The following CDH26 variants were observed in gnomAD, a reference collection of about 807,000 sequenced individuals.
The protein encoded by CDH26 is cadherin-like protein 26.
Under a neutral mutation model 90.3 loss-of-function variants are expected in CDH26, and 83 were observed. The observed-to-expected ratio is 0.92, with a 90% CI of 0.77 to 1.10. The LOEUF (loss-of-function observed/expected upper bound fraction) is 1.10, where lower values mean the gene tolerates loss of function less well. Among genes scored for constraint, CDH26 ranks in the 50% least tolerant of loss-of-function variants. The pLI is 0.00. For synonymous variants in CDH26, 397 were observed against 396.3 expected (o/e 1.00, Z -0.02); for missense variants, 1,013 against 1,037.6 (o/e 0.98, Z 0.33).
intron 7 of CDH26, among the ~76,000 whole-genome samples, chr20:60,025,758 T>C (rs553892252): frequency 6.6e-6 from 1 of 152,336 alleles, no homozygotes; most frequent in Admixed American, 6.5e-5. Flanking sequence ...GGTAAGTGTG[T>C]ACCTAGATCG....
chr20:59,968,611 A>G (rs6064869), intron 1 of CDH26, among the ~76,000 whole-genome samples: 2,952 of 152,302 alleles, frequency 0.019, 41 homozygotes, highest in Middle Eastern at 0.041. Flanking sequence ...CCTCATCACC[A>G]ATTAATATTT....
At chr20:59,982,603 G>C (rs1195806202) in intron 4 of CDH26, among the ~76,000 whole-genome samples, 3 of 152,242 alleles carry the variant, frequency 2.0e-5, no homozygotes, top group Non-Finnish European at 4.4e-5. Context: ...CTGATAGGTT[G>C]TAGAAACGGA....
chr20:60,006,465 T>A (rs2061752145), intron 16 of CDH26, among the ~76,000 whole-genome samples: 1 of 152,150 alleles, frequency 6.6e-6, no homozygotes, highest in South Asian at 2.1e-4. Context: ...TCACTTGGGT[T>A]CCTTCCTCAC....
chr20:59,996,107 A>C (rs2061594057), intron 12 of CDH26, 53 bp downstream of exon 12: 3 of 1,555,306 alleles, frequency 1.9e-6, no homozygotes. Context: ...CCCAGGCAAT[A>C]GGCCAGGGGT....
intron 7 of CDH26, among the ~76,000 whole-genome samples, chr20:60,027,358 G>A (rs2062006007): frequency 6.6e-6 from 1 of 152,140 alleles, no homozygotes; most frequent in Admixed American, 6.5e-5. Context: ...CTATCATCTA[G>A]ATTCTGTAGT....
chr20:59,959,410 A>AT (rs369592815), intron 1 of CDH26, among the ~76,000 whole-genome samples: 2,005 of 142,718 alleles, frequency 0.014, 16 homozygotes, highest in South Asian at 0.048. Flanking sequence ...AACACACACA[A>AT]TTTTTTTTTT....
intron 1 of CDH26, among the ~76,000 whole-genome samples, chr20:59,961,206 G>T (rs1366197587): frequency 1.3e-5 from 2 of 152,014 alleles, no homozygotes; most frequent in Non-Finnish European, 2.9e-5. Flanking sequence ...TACCCACAAT[G>T]AGTCTGATCA....
chr20:59,989,306 A>C, intron 9 of CDH26, 143 bp downstream of exon 9: 1 of 1,018,670 alleles, frequency 9.8e-7, no homozygotes, highest in Non-Finnish European at 1.4e-6. Flanking sequence ...AGGCGGGTGG[A>C]TCATGAGGTC....
At chr20:60,035,702 T>C (rs1035927958), downstream of CDH26, among the ~76,000 whole-genome samples, 2 of 152,110 alleles carry the variant, frequency 1.3e-5, no homozygotes, top group Non-Finnish European at 2.9e-5. Flanking sequence ...AGGGAGGTGA[T>C]TGGATCACGG....
chr20:60,027,332 A>G (rs2146034146), intron 7 of CDH26, among the ~76,000 whole-genome samples: 1 of 152,276 alleles, frequency 6.6e-6, no homozygotes, highest in Non-Finnish European at 1.5e-5. Context: ...GAATTGTACA[A>G]TGAAGTCATG....
chr20:60,002,914 CT>C (rs2061695273), intron 16 of CDH26, 48 bp downstream of exon 16: 1 of 1,398,518 alleles, frequency 7.2e-7, no homozygotes, highest in Non-Finnish European at 9.7e-7. Context: ...CCTTATTGTT[CT>C]GCCTAAAAGC....
chr20:59,977,088 A>G (rs995996368), intron 4 of CDH26, among the ~76,000 whole-genome samples: 3 of 152,214 alleles, frequency 2.0e-5, no homozygotes, highest in Admixed American at 1.3e-4. Flanking sequence ...TAGTCTCTCC[A>G]TGGTGCAGAG....
chr20:59,967,908 C>T (rs2061185744), intron 1 of CDH26, among the ~76,000 whole-genome samples: 2 of 107,800 alleles, frequency 1.9e-5, no homozygotes, highest in African/African-American at 9.3e-5. Context: ...TTCCTTCCTT[C>T]CTTTCCTTTC....
At chr20:60,019,092 G>A (rs908538658), downstream of CDH26, among the ~76,000 whole-genome samples, 11 of 152,046 alleles carry the variant, frequency 7.2e-5, no homozygotes, top group Non-Finnish European at 1.6e-4. Context: ...GTCTAATGGG[G>A]ATTCCATTAT....
chr20:60,019,774 G>A (rs1238239234), intron 7 of CDH26, among the ~76,000 whole-genome samples: 4 of 152,054 alleles, frequency 2.6e-5, no homozygotes. Context: ...TGCCTGTTTT[G>A]TGTTTAATGT....
At chr20:59,999,811 C>T (rs2061651844) in intron 14 of CDH26, 148 bp downstream of exon 14, 1 of 648,780 alleles carries the variant, frequency 1.5e-6, no homozygotes, top group Non-Finnish European at 2.7e-6. Flanking sequence ...ACTTGCAAAG[C>T]CCCATGGTTC....
rs143576720 is a variant in CDH26 at position 59,994,366 on chromosome 20, C to T, written c.1543C>T (p.His515Tyr). ...RYMEVCESAV[H>Y]EPLHIEAEDP... ...CATGGAGGTCTGTGAGTCTGCTGTG[C>T]ATGAGCCCCTCCACATCGAGGCAGA... The change falls in exon 11 of 18, where the codon CAT (histidine) becomes TAT (tyrosine). Residue 515 changes from histidine (H) to tyrosine (Y), a missense_variant. His to Tyr is a moderately conservative substitution (Grantham distance 83). Transcript: ENST00000348616. 320 of 1,614,048 alleles carry T rather than the reference C, an allele frequency of 2.0e-4. No homozygotes were observed. In the African/African-American group the frequency reaches 3.7e-3, roughly 19 times the overall value.
intron 1 of CDH26, among the ~76,000 whole-genome samples, chr20:59,962,884 G>A (rs1474142589): frequency 6.6e-6 from 1 of 152,154 alleles, no homozygotes; most frequent in African/African-American, 2.4e-5. Flanking sequence ...GTCTTTTGTG[G>A]TTAGAGAGCC....
intron 1 of CDH26, among the ~76,000 whole-genome samples, chr20:59,961,776 C>G (rs2061077789): frequency 6.6e-6 from 1 of 152,294 alleles, no homozygotes. Context: ...CAAGTAATGA[C>G]AAGCCAAGGA....
Sources: gnomAD v4.1 joint callset for allele counts (sites outside exome capture counted in the v4.1 genomes callset) on GRCh38, gnomAD v4.1.1 for gene constraint, MANE v1.5 for transcripts, NCBI Gene and HGNC (gene_info 2026-07-23, HGNC 2026-07-21) for gene names.